The following NBAS variants were observed in gnomAD, a reference collection of about 807,000 sequenced individuals.
NBAS encodes the protein NBAS subunit of NRZ tethering complex, also known as NAG/BC035112 fusion.
In NBAS, 219 loss-of-function variants were observed where a neutral mutation model predicts 302.5. The observed-to-expected ratio is 0.72, with a 90% CI of 0.65 to 0.81. The LOEUF (loss-of-function observed/expected upper bound fraction) is 0.81. NBAS is among the 30% of genes least tolerant of loss of function. The probability of loss-of-function intolerance (pLI) is 0.00; values close to 1 mark genes in which losing one functional copy is unlikely to be tolerated. For missense variants in NBAS, 2,932 were observed against 2,841.6 expected, an observed-to-expected ratio of 1.03 and a Z score of -0.72; for synonymous variants, 1,118 against 1,021.6, an observed-to-expected ratio of 1.09 and a Z score of -1.80.
the NBAS span, among the ~76,000 whole-genome samples, chr2:14,859,472 T>C: frequency 2.6e-5 from 4 of 152,030 alleles, no homozygotes; most frequent in Non-Finnish European, 5.9e-5. Flanking sequence ...CAAATCAGTA[T>C]GGAACTGACA....
At chr2:15,099,127 A>T in the NBAS span, among the ~76,000 whole-genome samples, 1 of 152,084 alleles carries the variant, frequency 6.6e-6, no homozygotes, top group Non-Finnish European at 1.5e-5. Context: ...ACATGGTGAA[A>T]CACCATCTCT....
intron 23 of NBAS, among the ~76,000 whole-genome samples, chr2:15,418,683 T>C (rs1325326496): frequency 1.3e-5 from 2 of 151,386 alleles, no homozygotes; most frequent in Non-Finnish European, 2.9e-5. Flanking sequence ...AATCAAAGGG[T>C]ATTTGTGAGG....
chr2:14,802,784 C>T, the NBAS span, among the ~76,000 whole-genome samples: 4 of 142,952 alleles, frequency 2.8e-5, no homozygotes, highest in Non-Finnish European at 4.5e-5. Context: ...TAAACTATCG[C>T]AAGAACAAAA....
At chr2:14,884,991 C>T in the NBAS span, among the ~76,000 whole-genome samples, 22 of 152,278 alleles carry the variant, frequency 1.4e-4, no homozygotes, top group African/African-American at 5.3e-4. Context: ...GGAGAGAGAA[C>T]ACACAAGGCC....
chr2:15,234,877 G>A (rs1257919450), intron 45 of NBAS, 130 bp from the exon 46 acceptor site: 2 of 918,232 alleles, frequency 2.2e-6, no homozygotes, highest in Non-Finnish European at 3.4e-6. Flanking sequence ...CAAAGGGCAT[G>A]TATTAGTTAG....
chr2:15,246,999 A>G lies in NBAS; in HGVS notation c.5725-8313T>C, dbSNP rs553240298. ...GAAGTGATGGGCATGCAAGGTCAGG[A>G]AAGGGTTGCTGAAAGGTGACATCTC... On this transcript the variant is annotated intron_variant, in intron 44 of 51. Transcript: ENST00000281513. Among the ~76,000 whole-genome samples the G allele has an allele frequency of 1.3e-3, 191 of 152,318 alleles. 1 individual carries two copies. The highest frequency in any genetic ancestry group is 2.2e-3 in the Non-Finnish European group (151 of 68,020).
Position 15,379,796 on chromosome 2 carries a change from A to G in NBAS, c.3396T>C (p.Leu1132=). The stretch of plus-strand genomic sequence containing the variant: ...TCTGTCCAGCCAGGTGGATGTTTTC[A>G]AGGCGACTAGAGCACAGAAGGCTTT... ...FTESLLCSSR[L]ENIHLAGQMM... The change falls in exon 30 of 52, where the codon CTT becomes CTC. Residue 1132 remains leucine (L), a synonymous_variant. Transcript: ENST00000281513. The G allele has an allele frequency of 6.2e-7, 1 of 1,614,094 alleles. No homozygotes were observed. Among genetic ancestry groups the G allele is most frequent in the Non-Finnish European group, 8.5e-7 (1 of 1,179,994 alleles).
chr2:14,991,146 G>A, the NBAS span, among the ~76,000 whole-genome samples: 1 of 152,028 alleles, frequency 6.6e-6, no homozygotes, highest in African/African-American at 2.4e-5. Flanking sequence ...GAGAACGTGG[G>A]GACATAGAAG....
the NBAS span, among the ~76,000 whole-genome samples, chr2:14,966,361 C>A: frequency 2.6e-5 from 4 of 152,180 alleles, no homozygotes; most frequent in African/African-American, 9.7e-5. Flanking sequence ...TATTAACACA[C>A]TTGTTAAAAA....
At chr2:15,322,451 G>C (rs1472855782) in intron 38 of NBAS, among the ~76,000 whole-genome samples, 1 of 151,984 alleles carries the variant, frequency 6.6e-6, no homozygotes, top group East Asian at 1.9e-4. Context: ...AAGCCTTCAA[G>C]CGCTAATTCT....
At chr2:14,881,042 A>G in the NBAS span, among the ~76,000 whole-genome samples, 1 of 152,214 alleles carries the variant, frequency 6.6e-6, no homozygotes, top group Non-Finnish European at 1.5e-5. Flanking sequence ...AGACTCAAGA[A>G]AGAAAAAGTG....
the NBAS span, among the ~76,000 whole-genome samples, chr2:15,058,046 A>G: frequency 6.6e-6 from 1 of 152,240 alleles, no homozygotes; most frequent in African/African-American, 2.4e-5. Flanking sequence ...GATTCCTTAA[A>G]GAACTAAAAG....
intron 32 of NBAS, among the ~76,000 whole-genome samples, chr2:15,359,214 A>C (rs1056569413): frequency 1.3e-5 from 2 of 150,870 alleles, no homozygotes; most frequent in African/African-American, 4.9e-5. Flanking sequence ...TCACTAAGTG[A>C]CTTCTGCATG....
intron 42 of NBAS, 101 bp downstream of exon 42, chr2:15,286,972 A>G: frequency 1.0e-6 from 1 of 972,404 alleles, no homozygotes; most frequent in Non-Finnish European, 1.6e-6. Context: ...TGTAGATTAA[A>G]GGAAAACTAA....
chr2:14,924,678 A>G, the NBAS span, among the ~76,000 whole-genome samples: 1 of 152,068 alleles, frequency 6.6e-6, no homozygotes, highest in Admixed American at 6.6e-5. Flanking sequence ...ACCTCCTGTG[A>G]GCTTCAGTTT....
chr2:15,458,004 T>C (rs1174366616), intron 21 of NBAS, among the ~76,000 whole-genome samples: 4 of 152,200 alleles, frequency 2.6e-5, no homozygotes, highest in African/African-American at 9.7e-5. Flanking sequence ...ATCTCTTTTT[T>C]AAATGACACA....
chr2:14,982,573 G>T, the NBAS span, among the ~76,000 whole-genome samples: 1 of 151,944 alleles, frequency 6.6e-6, no homozygotes, highest in Non-Finnish European at 1.5e-5. Flanking sequence ...TATCTAGAGA[G>T]AAAAAGCTTT....
rs991206916 is a variant in NBAS, at chr2:15,308,334, C to A, written c.4679G>T (p.Cys1560Phe). The part of the protein sequence containing the change: ...ALPQVLDANR[C>F]FEKQSPSALS... The stretch of plus-strand genomic sequence containing the variant: ...TGCAGAGGGGGACTGCTTTTCAAAG[C>A]ACCGGTTAGCATCTAACACCTAGGA... The change falls in exon 40 of 52, where the codon TGC (cysteine) becomes TTC (phenylalanine). Residue 1560 changes from cysteine to phenylalanine, a missense_variant. Physicochemically the swap from Cys to Phe is radical, Grantham distance 205. Coordinates refer to ENST00000281513, the MANE Select transcript of NBAS (RefSeq NM_015909.4). The A allele has an allele frequency of 1.2e-6, 2 of 1,613,986 alleles. No homozygotes were observed. The highest frequency in any genetic ancestry group is 2.7e-5 in the African/African-American group (2 of 74,902).
chr2:15,043,156 G>A, the NBAS span, among the ~76,000 whole-genome samples: 10 of 152,216 alleles, frequency 6.6e-5, no homozygotes, highest in Admixed American at 4.6e-4. Context: ...GGTCATCTCT[G>A]TAATCTGTGA....
Sources: allele counts gnomAD v4.1 joint callset (sites outside exome capture counted in the v4.1 genomes callset), GRCh38; gene constraint gnomAD v4.1.1; transcripts MANE v1.5; gene names NCBI Gene and HGNC (gene_info 2026-07-23, HGNC 2026-07-21).